GJB3: variants seen among roughly 807,000 people sequenced by gnomAD.
GJB3 encodes gap junction beta-3 protein.
Under a neutral mutation model 8.1 loss-of-function variants are expected in GJB3, and 6 were observed. The ratio of observed to expected loss-of-function variants is 0.75; its 90% confidence interval spans 0.41 to 1.47. The LOEUF is 1.47. Among genes scored for constraint, GJB3 ranks in the 40% most tolerant of loss-of-function variants. GJB3 has a pLI of 0.02. For missense variants in GJB3, 348 were observed against 365.6 expected, an observed-to-expected ratio of 0.95 and a Z score of 0.39; for synonymous variants, 137 against 156.4, an observed-to-expected ratio of 0.88 and a Z score of 0.93.
chr1:34,784,259 TTAAG>T (rs200406462), intron 1 of GJB3, among the ~76,000 whole-genome samples: 3,989 of 152,312 alleles, frequency 0.026, 82 homozygotes, highest in Middle Eastern at 0.054. Context: ...ACCTCTTGTT[TTAAG>T]TGAGTGACTT....
In GJB3 at chr1:34,785,343, C is replaced by A. The variant is rs202192590; in HGVS notation, c.581C>A (p.Ala194Asp). 41 of 1,614,078 alleles carry A rather than the reference C, an allele frequency of 2.5e-5. No homozygotes were observed. Among genetic ancestry groups the A allele is most frequent in the Non-Finnish European group, 3.4e-5 (40 of 1,179,988 alleles). ...KKIFTYFMVG[A>D]SAVCIVLTIC... ...ATCTTCACCTACTTCATGGTGGGCGCCTCCGCCGTCTGCATCGTACTCACC... is the reference window on the plus strand; with the variant it reads ...ATCTTCACCTACTTCATGGTGGGCGACTCCGCCGTCTGCATCGTACTCACC... The change falls in exon 2 of 2, where the codon GCC becomes GAC. Residue 194 changes from alanine (A) to aspartate (D), a missense_variant. By Grantham distance (126) the Ala-to-Asp change is moderately radical. Coordinates refer to ENST00000373366, the MANE Select transcript of GJB3 (RefSeq NM_024009.3). This position sits in a 1 kb window ranked among gnomAD's most constrained non-coding sequence, Gnocchi z 4.7.
intron 1 of GJB3, among the ~76,000 whole-genome samples, chr1:34,782,706 C>T (rs768830696): frequency 6.6e-6 from 1 of 152,132 alleles, no homozygotes; most frequent in East Asian, 1.9e-4. Context: ...TCCCAATCAC[C>T]CCATCCTGCC....
At chr1:34,784,100 C>T (rs1052934667) in intron 1 of GJB3, among the ~76,000 whole-genome samples, 2 of 152,182 alleles carry the variant, frequency 1.3e-5, no homozygotes, top group African/African-American at 2.4e-5. Context: ...TAGAATGGGA[C>T]TCATAACTGC....
chr1:34,785,593 G>A lies in GJB3; in HGVS notation c.*18G>A, dbSNP rs1468529659. 2 of 1,603,258 alleles carry A rather than the reference G, an allele frequency of 1.2e-6. No individual in the cohort carries two copies. The highest frequency in any genetic ancestry group is 2.2e-5 in the East Asian group (1 of 44,792). ...CCATCTGACCACAGGGCAGGGGTGG[G>A]GCAACATGCGGGCTGCCAATGGGAC... On this transcript the variant is annotated 3_prime_UTR_variant, in exon 2 of 2. Coordinates refer to ENST00000373366, the MANE Select transcript of GJB3 (RefSeq NM_024009.3). This position sits in a 1 kb window ranked among gnomAD's most constrained non-coding sequence, Gnocchi z 4.7.
At chr1:34,783,227 G>T (rs1450458822) in intron 1 of GJB3, among the ~76,000 whole-genome samples, 1 of 151,508 alleles carries the variant, frequency 6.6e-6, no homozygotes, top group Admixed American at 6.6e-5. Context: ...CAGCCTGGGC[G>T]ACACAGCAAG....
rs1640102571 is a variant in GJB3 at position 34,785,633 on chromosome 1, G to C, written c.*58G>C. ...GCCAATGGGACATGCAGGGCGGTGT[G>C]GCAGGTGGAGAGGTCCTACAGGGGC... On this transcript the variant is annotated 3_prime_UTR_variant, in exon 2 of 2. Transcript: ENST00000373366. This position sits in a 1 kb window ranked among gnomAD's most constrained non-coding sequence, Gnocchi z 4.7. 1 of 1,402,348 alleles carries C rather than the reference G, an allele frequency of 7.1e-7. No individual in the cohort carries two copies. The highest frequency in any genetic ancestry group is 1.4e-5 in the African/African-American group (1 of 70,564). The allele number at this position is 1,402,348 out of a possible 1,614,324, so 86.9% of individuals were successfully genotyped here.
rs1434872916 is a variant in GJB3 at position 34,785,166 on chromosome 1, T to C, written c.404T>C (p.Leu135Pro). 2 of 1,614,126 alleles carry C rather than the reference T, an allele frequency of 1.2e-6. No individual in the cohort carries two copies. The change falls in exon 2 of 2, where the codon CTC becomes CCC. Residue 135 changes from leucine (L) to proline (P), a missense_variant. Physicochemically the swap from Leu to Pro is moderately conservative, Grantham distance 98 (BLOSUM62 -3). Coordinates refer to ENST00000373366, the MANE Select transcript of GJB3 (RefSeq NM_024009.3). The surrounding 1 kb of genome is among the most constrained non-coding windows in gnomAD (Gnocchi z 4.7). ...GGLWWTYLFS[L>P]IFKLIIEFLF... The stretch of plus-strand genomic sequence containing the variant: ...CTGTGGTGGACCTACCTGTTCAGCC[T>C]CATCTTCAAGCTCATCATTGAGTTC...
In GJB3 at chr1:34,782,230, T is replaced by C. The variant is rs576858983; in HGVS notation, c.-26+452T>C. On this transcript the variant is annotated intron_variant, in intron 1 of 1. Transcript: ENST00000373366. ...CCCAGCCTAGACTTGGGAAGGAAAT[T>C]CTTTGCCAGTGAAGCTCCTCCCTGG... The C allele has an allele frequency of 1.6e-3, 237 of 152,274 alleles. 1 individual carries two copies. Among genetic ancestry groups the C allele is most frequent in the African/African-American group, 5.5e-3 (227 of 41,538 alleles). The allele number at this position is 152,274 out of a possible 1,614,324, so 9.4% of individuals were successfully genotyped here.
At position 34,784,767 on chromosome 1, in the gene GJB3, A is replaced by T; in HGVS notation, c.5A>T (p.Asp2Val). 1.2e-6 allele frequency: 2 copies of T among 1,613,888 alleles called. No individual in the cohort carries two copies. The highest frequency in any genetic ancestry group is 1.7e-6 in the Non-Finnish European group (2 of 1,179,822). M[D>V]WKTLQALLSG... ...GCACGGCCCCCACCAGGCGCCATGGACTGGAAGACACTCCAGGCCCTACTG... is the reference window on the plus strand; with the variant it reads ...GCACGGCCCCCACCAGGCGCCATGGTCTGGAAGACACTCCAGGCCCTACTG... The change falls in exon 2 of 2, where the codon GAC becomes GTC. Residue 2 changes from aspartate to valine, a missense_variant. Physicochemically the swap from Asp to Val is radical, Grantham distance 152. Coordinates refer to ENST00000373366, the MANE Select transcript of GJB3 (RefSeq NM_024009.3).
Position 34,786,024 on chromosome 1 carries a change from G to A in GJB3, c.*449G>A, listed in dbSNP as rs1640110284. The A allele has an allele frequency of 4.9e-6, 1 of 203,146 alleles. No homozygotes were observed. Among genetic ancestry groups the A allele is most frequent in the African/African-American group, 2.4e-5 (1 of 42,004 alleles). The allele number at this position is 203,146 out of a possible 1,614,324, so 12.6% of individuals were successfully genotyped here. ...TGCTCGCCCTGGGCTAGCCTCAGCA[G>A]ACCTAAGGCATCTCTACTCCCTCCA... On this transcript the variant is annotated 3_prime_UTR_variant, in exon 2 of 2. Transcript: ENST00000373366. The surrounding 1 kb of genome is among the most constrained non-coding windows in gnomAD (Gnocchi z 4.4).
Position 34,785,122 on chromosome 1 carries a change from A to G in GJB3, c.360A>G (p.Ala120=). 1.2e-6 allele frequency: 2 copies of G among 1,614,128 alleles called. No individual in the cohort carries two copies. The highest frequency in any genetic ancestry group is 8.5e-7 in the Non-Finnish European group (1 of 1,180,016). Residue 120 remains alanine, a synonymous_variant, in exon 2 of 2, where the codon GCA becomes GCG. Coordinates refer to ENST00000373366, the MANE Select transcript of GJB3 (RefSeq NM_024009.3). This position sits in a 1 kb window ranked among gnomAD's most constrained non-coding sequence, Gnocchi z 4.7. ...AGTGCGCCAAGCTGTACGACAACGC[A>G]GGCAAGAAGCACGGAGGCCTGTGGT... ...GDQCAKLYDN[A]GKKHGGLWWT... is the part of the protein sequence containing the mutation.
In GJB3 at chr1:34,785,114, G is replaced by A. The variant is rs373400072; in HGVS notation, c.352G>A (p.Asp118Asn). ...CGGGGACCAGTGCGCCAAGCTGTAC[G>A]ACAACGCAGGCAAGAAGCACGGAGG... ...KHGDQCAKLY[D>N]NAGKKHGGLW... Residue 118 changes from aspartate to asparagine, a missense_variant, in exon 2 of 2, where the codon GAC (aspartate) becomes AAC (asparagine). By Grantham distance (23) the Asp-to-Asn change is conservative. Coordinates refer to ENST00000373366, the MANE Select transcript of GJB3 (RefSeq NM_024009.3). This position sits in a 1 kb window ranked among gnomAD's most constrained non-coding sequence, Gnocchi z 4.7. 54 of 1,613,974 alleles carry A rather than the reference G, an allele frequency of 3.3e-5. No individual in the cohort carries two copies. In the Admixed American group the frequency reaches 4.7e-4, roughly 14 times the overall value.
chr1:34,784,892 T>TG lies in GJB3; in HGVS notation c.136dup (p.Asp46GlyfsTer2), dbSNP rs768892655. The TG allele has an allele frequency of 3.1e-6, 5 of 1,613,872 alleles. No individual in the cohort carries two copies. The African/African-American group carries it at 5.3e-5, about 17-fold the overall frequency. ...ATACGTGGTGGCTGCAGAGCGCGTG[T>TG]GGGGGGATGAGCAGAAGGACTTTGA... is the stretch of plus-strand genomic sequence containing the variant. On this transcript the variant is annotated frameshift_variant, in exon 2 of 2. Transcript: ENST00000373366. LOFTEE classifies it high-confidence loss of function.
Position 34,784,667 on chromosome 1 carries a change from C to T in GJB3, c.-25-71C>T, listed in dbSNP as rs556672175. ...AACAAGTCAGAACTCAGAACACTGCCTGGTACATAGTAAATGCTCAATAAA... is the reference window on the plus strand; with the variant it reads ...AACAAGTCAGAACTCAGAACACTGCTTGGTACATAGTAAATGCTCAATAAA... On this transcript the variant is annotated intron_variant, in intron 1 of 1. Transcript: ENST00000373366. 7 of 985,780 alleles carry T rather than the reference C, an allele frequency of 7.1e-6. No individual in the cohort carries two copies. In the African/African-American group the frequency reaches 1.1e-4, roughly 16 times the overall value. The allele number at this position is 985,780 out of a possible 1,614,324, so 61.1% of individuals were successfully genotyped here.
Position 34,785,267 on chromosome 1 carries a change from C to T in GJB3, c.505C>T (p.Pro169Ser). The stretch of plus-strand genomic sequence containing the variant: ...CCTGGTGCAGTGTGCCAACGTGGCC[C>T]CCTGCCCCAACATCGTGGACTGCTA... ...PRLVQCANVAPCPNIVDCYIA... is the reference protein window; with the variant it reads ...PRLVQCANVASCPNIVDCYIA... Residue 169 changes from proline (P) to serine (S), a missense_variant, in exon 2 of 2, where the codon CCC becomes TCC. Coordinates refer to ENST00000373366, the MANE Select transcript of GJB3 (RefSeq NM_024009.3). The surrounding 1 kb of genome is among the most constrained non-coding windows in gnomAD (Gnocchi z 4.7). The T allele has an allele frequency of 2.5e-6, 4 of 1,613,920 alleles. No individual in the cohort carries two copies. The South Asian group carries it at 4.4e-5, about 18-fold the overall frequency.
rs61732640 is a variant in GJB3 at position 34,785,239 on chromosome 1, G to A, written c.477G>A (p.Pro159=). 5.4e-3 allele frequency: 8,704 copies of A among 1,613,878 alleles called. 350 individuals are homozygous for A. In the African/African-American group the frequency reaches 0.091, roughly 17 times the overall value. ...CTCTCTGGCATGGCTTCAATATGCC[G>A]CGCCTGGTGCAGTGTGCCAACGTGG... ...LHTLWHGFNM[P]RLVQCANVAP... is the part of the protein sequence containing the mutation. The change falls in exon 2 of 2, where the codon CCG becomes CCA. Residue 159 remains proline (P), a synonymous_variant. Transcript: ENST00000373366. This position sits in a 1 kb window ranked among gnomAD's most constrained non-coding sequence, Gnocchi z 4.7.
At position 34,785,065 on chromosome 1, in the gene GJB3, G is replaced by T; in HGVS notation, c.303G>T (p.Arg101=). 1 of 1,614,094 alleles carries T rather than the reference G, an allele frequency of 6.2e-7. No homozygotes were observed. Among genetic ancestry groups the T allele is most frequent in the Non-Finnish European group, 8.5e-7 (1 of 1,180,042 alleles). Residue 101 remains arginine, a synonymous_variant, in exon 2 of 2, where the codon CGG becomes CGT. Coordinates refer to ENST00000373366, the MANE Select transcript of GJB3 (RefSeq NM_024009.3). The surrounding 1 kb of genome is among the most constrained non-coding windows in gnomAD (Gnocchi z 4.7). The part of the protein sequence containing the change: ...VILHVAYREE[R]ERRHRQKHGD... Reference sequence around the variant, plus strand: ...TGCACGTGGCCTACCGTGAGGAGCGGGAGCGCCGGCACCGCCAGAAACACG... The same window carrying T: ...TGCACGTGGCCTACCGTGAGGAGCGTGAGCGCCGGCACCGCCAGAAACACG...
rs1640107498 is a variant in GJB3, at chr1:34,785,840, T to C, written c.*265T>C. 3.7e-6 allele frequency: 2 copies of C among 538,264 alleles called. No individual in the cohort carries two copies. The highest frequency in any genetic ancestry group is 4.3e-5 in the South Asian group (2 of 46,714). The allele number at this position is 538,264 out of a possible 1,614,324, so 33.3% of individuals were successfully genotyped here. Reference sequence around the variant, plus strand: ...ATCTACGCTGCCTGCAAGGGGCCACTTAGGGCACTGCTAGCAGGGCTTCAA... The same window carrying C: ...ATCTACGCTGCCTGCAAGGGGCCACCTAGGGCACTGCTAGCAGGGCTTCAA... On this transcript the variant is annotated 3_prime_UTR_variant, in exon 2 of 2. Transcript: ENST00000373366. This position sits in a 1 kb window ranked among gnomAD's most constrained non-coding sequence, Gnocchi z 4.7.
chr1:34,784,168 A>C (rs1482258034), intron 1 of GJB3, among the ~76,000 whole-genome samples: 1 of 151,702 alleles, frequency 6.6e-6, no homozygotes, highest in African/African-American at 2.4e-5. Context: ...AATCTGGTCT[A>C]GGGCAGGAGT....
Sources: allele counts gnomAD v4.1 joint callset (sites outside exome capture counted in the v4.1 genomes callset), GRCh38; gene constraint gnomAD v4.1.1; non-coding constraint Gnocchi (gnomAD v3.1); transcripts MANE v1.5; gene names NCBI Gene and HGNC (gene_info 2026-07-23, HGNC 2026-07-21).